Variants in ESD observed in about 807,000 individuals in gnomAD.
ESD encodes the protein esterase D, also known as S-formylglutathione hydrolase.
Under a neutral mutation model 38.1 loss-of-function variants are expected in ESD, and 34 were observed. The observed-to-expected ratio is 0.89, with a 90% CI of 0.68 to 1.19. ESD has a LOEUF of 1.19. Ranked by LOEUF, ESD falls within the 50% of genes most tolerant of loss-of-function variation. The probability of loss-of-function intolerance (pLI) is 0.00; values close to 1 mark genes in which losing one functional copy is unlikely to be tolerated. For missense variants in ESD, 334 were observed against 327.2 expected (o/e 1.02, Z -0.16); for synonymous variants, 97 against 107.0 (o/e 0.91, Z 0.58).
chr13:46,782,609 G>A, intron 6 of ESD, 58 bp downstream of exon 6: 1 of 1,574,338 alleles, frequency 6.4e-7, no homozygotes, highest in Non-Finnish European at 8.7e-7. Context: ...AGGACTTTGT[G>A]TTCAAAATCA....
chr13:46,776,882 T>C (rs564149225), intron 9 of ESD: 1 of 152,076 alleles, frequency 6.6e-6, no homozygotes, highest in Non-Finnish European at 1.5e-5. Context: ...ATTAGGACTA[T>C]GGTAGCATAT....
chr13:46,780,999 G>A (rs1037537692), intron 7 of ESD, among the ~76,000 whole-genome samples: 2 of 151,560 alleles, frequency 1.3e-5, no homozygotes, highest in Non-Finnish European at 3.0e-5. Flanking sequence ...TTTGACTCTG[G>A]GAAAGGCTGA....
intron 3 of ESD, among the ~76,000 whole-genome samples, chr13:46,788,673 C>CAAAAA (rs10599927): frequency 4.0e-4 from 33 of 82,350 alleles, no homozygotes; most frequent in Non-Finnish European, 7.1e-4. Context: ...TATGTAAAAG[C>CAAAAA]AAAAAAAAAA....
intron 9 of ESD, among the ~76,000 whole-genome samples, chr13:46,773,797 G>A (rs184983434): frequency 3.0e-4 from 45 of 152,332 alleles, no homozygotes; most frequent in African/African-American, 9.9e-4. Flanking sequence ...ATTACTTGGT[G>A]TCATGTCTCT....
intron 5 of ESD, among the ~76,000 whole-genome samples, chr13:46,783,195 A>G (rs1372628115): frequency 6.6e-6 from 1 of 151,936 alleles, no homozygotes; most frequent in Admixed American, 6.6e-5. Flanking sequence ...CTCTCTCACT[A>G]TCAGCACTTT....
intron 9 of ESD, among the ~76,000 whole-genome samples, chr13:46,772,928 T>C (rs139807584): frequency 0.021 from 3,135 of 152,166 alleles, 115 homozygotes; most frequent in African/African-American, 0.069. Context: ...TTGTGATCCG[T>C]CCACCTTAGC....
At chr13:46,793,536 G>A (rs1420018928) in intron 1 of ESD, 92 bp from the exon 2 acceptor site, 3 of 152,458 alleles carry the variant, frequency 2.0e-5, no homozygotes, top group Admixed American at 2.0e-4. Context: ...TCTCAATAGA[G>A]ATGTTTTCTT....
rs1461331405 is a variant in ESD, at chr13:46,771,437, A to G, written c.828T>C (p.His276=). 1 of 1,605,466 alleles carries G rather than the reference A, an allele frequency of 6.2e-7. No individual in the cohort carries two copies. The highest frequency in any genetic ancestry group is 8.5e-7 in the Non-Finnish European group (1 of 1,173,960). ...ATFITDHIRH[H]AKYLNA ...TTTTTCATGCATTCAGGTATTTAGC[A>G]TGATGTCTGATGTGGTCAGTAATAA... Residue 276 remains histidine, a synonymous_variant, in exon 10 of 10, where the codon CAT becomes CAC. Transcript: ENST00000378720.
chr13:46,790,008 A>ATATATT (rs1555293852), intron 3 of ESD, among the ~76,000 whole-genome samples: 1 of 136,050 alleles, frequency 7.4e-6, no homozygotes, highest in African/African-American at 2.8e-5. Context: ...ATATATATAT[A>ATATATT]TTTTTTTTTT....
intron 9 of ESD, among the ~76,000 whole-genome samples, chr13:46,772,923 ATCCG>A (rs1874661300): frequency 1.3e-5 from 2 of 152,030 alleles, no homozygotes; most frequent in Non-Finnish European, 2.9e-5. Flanking sequence ...TGACCTTGTG[ATCCG>A]TCCACCTTAG....
intron 9 of ESD, among the ~76,000 whole-genome samples, chr13:46,774,317 T>C (rs893155500): frequency 6.6e-6 from 1 of 152,142 alleles, no homozygotes; most frequent in African/African-American, 2.4e-5. Context: ...TTTTAAAAAA[T>C]GTCAACAAAA....
chr13:46,782,339 TTA>T (rs1875032573), intron 6 of ESD, among the ~76,000 whole-genome samples: 1 of 151,872 alleles, frequency 6.6e-6, no homozygotes, highest in Non-Finnish European at 1.5e-5. Flanking sequence ...GCTTTACCAC[TTA>T]TGTTTTCTAA....
chr13:46,791,540 T>A (rs912512230), intron 2 of ESD, 120 bp from the exon 3 acceptor site: 2 of 676,726 alleles, frequency 3.0e-6, no homozygotes, highest in Non-Finnish European at 2.5e-6. Flanking sequence ...CTTAGAATTT[T>A]TTTTTCACAT....
At chr13:46,771,682 TAA>T (rs1874612993) in intron 9 of ESD, among the ~76,000 whole-genome samples, 186 bp from the exon 10 acceptor site, 1 of 152,160 alleles carries the variant, frequency 6.6e-6, no homozygotes, top group East Asian at 1.9e-4. Context: ...CACTGTACAT[TAA>T]AAGAGCAGCA....
At chr13:46,790,474 T>G (rs1022879874) in intron 3 of ESD, 7 of 152,190 alleles carry the variant, frequency 4.6e-5, no homozygotes, top group African/African-American at 1.7e-4. Flanking sequence ...CCCCAAATTT[T>G]GAAAGCTAGT....
rs1442488541 is a variant in ESD at position 46,784,233 on chromosome 13, C to A, written c.256+19G>T. On this transcript the variant is annotated intron_variant, in intron 5 of 9. Coordinates refer to ENST00000378720, the MANE Select transcript of ESD (RefSeq NM_001984.2). ...AGATTTAGATTTTTACAAAGGATAT[C>A]TAGACCACAAACACTTACGAGGGCT... 1 of 1,587,298 alleles carries A rather than the reference C, an allele frequency of 6.3e-7. No individual in the cohort carries two copies.
chr13:46,789,570 T>G (rs1469344695), intron 3 of ESD, among the ~76,000 whole-genome samples: 1 of 152,174 alleles, frequency 6.6e-6, no homozygotes, highest in Non-Finnish European at 1.5e-5. Flanking sequence ...ATCTGGCAAC[T>G]TCAGTTCTGG....
At chr13:46,771,853 T>G (rs1593401844) in intron 9 of ESD, among the ~76,000 whole-genome samples, 1 of 151,818 alleles carries the variant, frequency 6.6e-6, no homozygotes. Context: ...ATATGCAGAG[T>G]AGACACTGTC....
At chr13:46,795,855 G>A (rs1372169640) in intron 1 of ESD, among the ~76,000 whole-genome samples, 1 of 151,630 alleles carries the variant, frequency 6.6e-6, no homozygotes, top group East Asian at 1.9e-4. Flanking sequence ...CCCGGGCTCA[G>A]GTGATCCTCC....
Sources: allele counts gnomAD v4.1 joint callset (sites outside exome capture counted in the v4.1 genomes callset), GRCh38; gene constraint gnomAD v4.1.1; transcripts MANE v1.5; gene names NCBI Gene and HGNC (gene_info 2026-07-23, HGNC 2026-07-21).